CELSR1: variants seen among roughly 807,000 people sequenced by gnomAD.
The protein encoded by CELSR1 is cadherin EGF LAG seven-pass G-type receptor 1, also known as adhesion G protein-coupled receptor C1.
CELSR1 carries 110 observed loss-of-function variants against 249.1 expected under a neutral mutation model. The observed-to-expected ratio is 0.44, with a 90% CI of 0.38 to 0.52. The LOEUF (loss-of-function observed/expected upper bound fraction) is 0.52, where lower values mean the gene tolerates loss of function less well. Among genes scored for constraint, CELSR1 ranks in the 20% least tolerant of loss-of-function variants. The pLI, the probability that CELSR1 is intolerant of heterozygous loss-of-function variation, is 0.00. For synonymous variants in CELSR1, 2,113 were observed against 1,900.0 expected, an observed-to-expected ratio of 1.11 and a Z score of -2.92; for missense variants, 4,109 against 4,296.4, an observed-to-expected ratio of 0.96 and a Z score of 1.22.
At position 46,374,004 on chromosome 22, in the gene CELSR1, T is replaced by A. The variant is rs1305122870; in HGVS notation, c.7585-947A>T. Among the ~76,000 whole-genome samples, 1 of 152,064 alleles carries A rather than the reference T, an allele frequency of 6.6e-6. No homozygotes were observed. On this transcript the variant is annotated intron_variant, in intron 24 of 34. Transcript: ENST00000674500. This position sits in a 1 kb window ranked among gnomAD's most constrained non-coding sequence, Gnocchi z 4.3. ...ATCAGCCTCGAAGGGCCAGCCACCC[T>A]CCAGAAACAACGCCCCCGAGGTGGG...
In CELSR1 at chr22:46,506,801, G is replaced by A. The variant is rs1292184529; in HGVS notation, c.3544+26826C>T. ...CTCTCCGGAAAGATGCCCGATAACAGGAAGCTGAGGCCAAGCCCGGGGGTG... is the reference window on the plus strand; with the variant it reads ...CTCTCCGGAAAGATGCCCGATAACAAGAAGCTGAGGCCAAGCCCGGGGGTG... On this transcript the variant is annotated intron_variant, in intron 1 of 34. Transcript: ENST00000674500. This position sits in a 1 kb window ranked among gnomAD's most constrained non-coding sequence, Gnocchi z 4.1. Among the ~76,000 whole-genome samples, 1 of 152,214 alleles carries A rather than the reference G, an allele frequency of 6.6e-6. No homozygotes were observed. The highest frequency in any genetic ancestry group is 1.5e-5 in the Non-Finnish European group (1 of 68,046).
At chr22:46,514,533 G>A (rs2147775828) in intron 1 of CELSR1, among the ~76,000 whole-genome samples, 1 of 152,270 alleles carries the variant, frequency 6.6e-6, no homozygotes. Flanking sequence ...CATGAAGGAT[G>A]TGGCCTGAGG....
chr22:46,414,148 T>G (rs963976367), intron 5 of CELSR1, among the ~76,000 whole-genome samples: 13 of 152,198 alleles, frequency 8.5e-5, no homozygotes, highest in African/African-American at 3.1e-4. Flanking sequence ...AGACACCCAC[T>G]GCTAGGACAC....
In CELSR1 at chr22:46,477,074, G is replaced by A. The variant is rs550486289; in HGVS notation, c.3545-12729C>T. ...ACCATTTCCTTCAAACCAAGCTGTCGAATGAAGTCAGAAATGAACAGGTTT... is the reference window on the plus strand; with the variant it reads ...ACCATTTCCTTCAAACCAAGCTGTCAAATGAAGTCAGAAATGAACAGGTTT... On this transcript the variant is annotated intron_variant, in intron 1 of 34. Transcript: ENST00000674500. Among the ~76,000 whole-genome samples, 5 of 152,278 alleles carry A rather than the reference G, an allele frequency of 3.3e-5. No individual in the cohort carries two copies. The East Asian group carries it at 5.8e-4, about 18-fold the overall frequency.
rs1193178612 is a variant in CELSR1 at position 46,535,949 on chromosome 22, C to T, written c.1222G>A (p.Val408Met). The T allele has an allele frequency of 3.7e-6, 6 of 1,609,962 alleles. No homozygotes were observed. The highest frequency in any genetic ancestry group is 1.7e-5 in the Admixed American group (1 of 59,982). ...TCCAGCACCGCCCGTGTGCTCACCACGCCAGAGCTCTCGTTGAGCTGGAAG... is the reference window on the plus strand; with the variant it reads ...TCCAGCACCGCCCGTGTGCTCACCATGCCAGAGCTCTCGTTGAGCTGGAAG... Reference protein sequence around the residue: ...DVFQLNESSGVVSTRAVLDRE... With the variant: ...DVFQLNESSGMVSTRAVLDRE... Residue 408 changes from valine (V) to methionine (M), a missense_variant, in exon 1 of 35, where the codon GTG becomes ATG. This residue lies in a region of CELSR1 where 673 missense variants were observed against 636.8 expected (regional missense o/e 1.06). Coordinates refer to ENST00000674500, the MANE Select transcript of CELSR1 (RefSeq NM_001378328.1).
intron 9 of CELSR1, among the ~76,000 whole-genome samples, chr22:46,403,303 C>T (rs965771903): frequency 6.6e-6 from 1 of 151,584 alleles, no homozygotes; most frequent in Non-Finnish European, 1.5e-5. Flanking sequence ...AATCCCAGCA[C>T]TTTGGGAGGC....
At position 46,378,585 on chromosome 22, in the gene CELSR1, G is replaced by A. The variant is rs771753284; in HGVS notation, c.7383+6C>T. The A allele has an allele frequency of 1.3e-6, 2 of 1,559,708 alleles. No individual in the cohort carries two copies. Among genetic ancestry groups the A allele is most frequent in the Non-Finnish European group, 1.7e-6 (2 of 1,151,712 alleles). On this transcript the variant is annotated splice_donor_region_variant and intron_variant, in intron 23 of 34. Transcript: ENST00000674500. ...GAGGGCACAGTGGCCACGGGAGGAT[G>A]CCCACCTCACGCCTGGAGATATCCA...
At position 46,407,782 on chromosome 22, in the gene CELSR1, G is replaced by A. The variant is rs975397666; in HGVS notation, c.5226+1214C>T. ...CCAGGGGATGAGAATTAGGCCTAAG[G>A]AGAGACATAAAGGGAGCTTTTTAGG... On this transcript the variant is annotated intron_variant, in intron 9 of 34. Coordinates refer to ENST00000674500, the MANE Select transcript of CELSR1 (RefSeq NM_001378328.1). The surrounding 1 kb of genome is among the most constrained non-coding windows in gnomAD (Gnocchi z 4.8). Among the ~76,000 whole-genome samples the A allele has an allele frequency of 6.6e-6, 1 of 152,262 alleles. No individual in the cohort carries two copies. The highest frequency in any genetic ancestry group is 2.4e-5 in the African/African-American group (1 of 41,478).
At chr22:46,532,560 G>T (rs992521919) in intron 1 of CELSR1, among the ~76,000 whole-genome samples, 1 of 152,148 alleles carries the variant, frequency 6.6e-6, no homozygotes, top group South Asian at 2.1e-4. Flanking sequence ...TTATTCCAGG[G>T]CTCCTGTGGC....
At chr22:46,465,101 G>A (rs1443102839) in intron 1 of CELSR1, among the ~76,000 whole-genome samples, 1 of 152,144 alleles carries the variant, frequency 6.6e-6, no homozygotes, top group Non-Finnish European at 1.5e-5. Flanking sequence ...ATGCATCATC[G>A]GTTCCAGGCC....
chr22:46,365,072 G>A (rs908135265), intron 32 of CELSR1, among the ~76,000 whole-genome samples, 159 bp downstream of exon 32: 4 of 152,198 alleles, frequency 2.6e-5, no homozygotes, highest in Admixed American at 1.3e-4. Flanking sequence ...AGAGGCTGTG[G>A]GGGAGCCCAA....
Position 46,533,825 on chromosome 22 carries a change from A to C in CELSR1, c.3346T>G (p.Ser1116Ala), listed in dbSNP as rs1452725676. 1 of 1,613,702 alleles carries C rather than the reference A, an allele frequency of 6.2e-7. No individual in the cohort carries two copies. The highest frequency in any genetic ancestry group is 8.5e-7 in the Non-Finnish European group (1 of 1,180,002). ...ILFNNYVTNKSNSFPTGVIGC... is the reference protein window; with the variant it reads ...ILFNNYVTNKANSFPTGVIGC... Reference sequence around the variant, plus strand: ...ATCACGCCGGTGGGGAAACTGTTGGACTTGTTGGTGACATAGTTGTTGAAG... The same window carrying C: ...ATCACGCCGGTGGGGAAACTGTTGGCCTTGTTGGTGACATAGTTGTTGAAG... The change falls in exon 1 of 35, where the codon TCC becomes GCC. Residue 1116 changes from serine to alanine, a missense_variant. Ser to Ala is a moderately conservative substitution (Grantham distance 99). Transcript: ENST00000674500.
In CELSR1 at chr22:46,430,426, C is replaced by T. The variant is rs570024692; in HGVS notation, c.4611+2967G>A. On this transcript the variant is annotated intron_variant, in intron 5 of 34. Coordinates refer to ENST00000674500, the MANE Select transcript of CELSR1 (RefSeq NM_001378328.1). The surrounding 1 kb of genome is among the most constrained non-coding windows in gnomAD (Gnocchi z 4.6). ...CTGCATCAGCCAAGGCAGGCAGGGA[C>T]GCGTGTGCAGGGGGGTTCCCTCGGC... Among the ~76,000 whole-genome samples the T allele has an allele frequency of 9.3e-4, 141 of 152,150 alleles. No homozygotes were observed. Among genetic ancestry groups the T allele is most frequent in the African/African-American group, 2.6e-3 (107 of 41,526 alleles).
chr22:46,450,943 C>T (rs1017018667), intron 2 of CELSR1, among the ~76,000 whole-genome samples: 7 of 152,216 alleles, frequency 4.6e-5, no homozygotes, highest in East Asian at 1.9e-4. Context: ...CTGTGAGCTA[C>T]GCACCTGCGC....
Position 46,464,321 on chromosome 22 carries a change from A to G in CELSR1, c.3569T>C (p.Phe1190Ser), listed in dbSNP as rs139300470. 1.1e-5 allele frequency: 18 copies of G among 1,612,140 alleles called. No individual in the cohort carries two copies. The African/African-American group carries it at 2.1e-4, about 19-fold the overall frequency. The change falls in exon 2 of 35, where the codon TTC becomes TCC. Residue 1190 changes from phenylalanine (F) to serine (S), a missense_variant. Transcript: ENST00000674500. The surrounding 1 kb of genome is among the most constrained non-coding windows in gnomAD (Gnocchi z 8.5). ...VSDGIHSVTA[F>S]CTLRVTIITD... ...GATGATGGTGACACGCAGGGTGCAG[A>G]AGGCCGTGACGCTGTGGATGCCATC...
At chr22:46,477,513 G>GTTT (rs1406874382) in intron 1 of CELSR1, among the ~76,000 whole-genome samples, 1 of 84,288 alleles carries the variant, frequency 1.2e-5, no homozygotes. Context: ...TGTTTTATTG[G>GTTT]CTTTTTTTTT....
At chr22:46,422,589 T>C (rs541696938) in intron 5 of CELSR1, among the ~76,000 whole-genome samples, 2 of 145,160 alleles carry the variant, frequency 1.4e-5, no homozygotes, top group African/African-American at 5.3e-5. Context: ...ATAATAATAA[T>C]AAAAAATAAA....
chr22:46,441,292 G>A lies in CELSR1; in HGVS notation c.4184-1881C>T, dbSNP rs1159726047. On this transcript the variant is annotated intron_variant, in intron 2 of 34. Transcript: ENST00000674500. This position sits in a 1 kb window ranked among gnomAD's most constrained non-coding sequence, Gnocchi z 6.1. ...CCCAGACCTCGCTGGAGTCCCCAGA[G>A]TGGGATGGCTCCACGATGGGCCCTT... 1.3e-5 allele frequency among the ~76,000 whole-genome samples: 2 copies of A among 152,126 alleles called. No homozygotes were observed. The highest frequency in any genetic ancestry group is 4.8e-5 in the African/African-American group (2 of 41,414).
At position 46,440,094 on chromosome 22, in the gene CELSR1, T is replaced by A. The variant is rs2079726443; in HGVS notation, c.4184-683A>T. Among the ~76,000 whole-genome samples the A allele has an allele frequency of 6.6e-6, 1 of 152,136 alleles. No homozygotes were observed. Among genetic ancestry groups the A allele is most frequent in the African/African-American group, 2.4e-5 (1 of 41,438 alleles). On this transcript the variant is annotated intron_variant, in intron 2 of 34. Transcript: ENST00000674500. This position sits in a 1 kb window ranked among gnomAD's most constrained non-coding sequence, Gnocchi z 4.7. ...TTAAACTCTTTTGTGACAGGAAGGT[T>A]CTGGAAGCTTTCCCAGAAAACCAGC...
Sources: gnomAD v4.1 joint callset for allele counts (sites outside exome capture counted in the v4.1 genomes callset) on GRCh38, gnomAD v4.1.1 for gene constraint, gnomAD v4.1.1 regional missense constraint, Gnocchi (gnomAD v3.1) non-coding constraint, MANE v1.5 for transcripts, NCBI Gene and HGNC (gene_info 2026-07-23, HGNC 2026-07-21) for gene names.